GFAP: variants seen among roughly 807,000 people sequenced by gnomAD.
The protein encoded by GFAP is intermediate filament protein.
GFAP carries 38 observed loss-of-function variants against 49.3 expected under a neutral mutation model. The observed-to-expected ratio is 0.77, with a 90% CI of 0.60 to 1.01. The LOEUF is 1.01. Among genes scored for constraint, GFAP ranks in the 50% least tolerant of loss-of-function variants. The probability of loss-of-function intolerance (pLI) is 0.00; values close to 1 mark genes in which losing one functional copy is unlikely to be tolerated. For synonymous variants in GFAP, 222 were observed against 236.4 expected, an observed-to-expected ratio of 0.94 and a Z score of 0.56; for missense variants, 463 against 579.1, an observed-to-expected ratio of 0.80 and a Z score of 2.06.
chr17:44,903,823 T>G lies in GFAP; in HGVS notation c.*3524A>C. 3.9e-6 allele frequency: 6 copies of G among 1,547,684 alleles called. No homozygotes were observed. The highest frequency in any genetic ancestry group is 5.2e-6 in the Non-Finnish European group (6 of 1,145,066). On this transcript the variant is annotated 3_prime_UTR_variant, in exon 9 of 9. Transcript: ENST00000588735. ...CCCTGCCCCTCTGACCCCTGCCTCC[T>G]TCAGGTATGCACCTGGCCCTCACCA... is the stretch of plus-strand genomic sequence containing the variant.
At position 44,904,938 on chromosome 17, in the gene GFAP, C is replaced by T. The variant is rs1486830603; in HGVS notation, c.*2409G>A. The stretch of plus-strand genomic sequence containing the variant: ...CATGGGCACTACCCAGCCTCGTTCT[C>T]AGATCCTGAGACTCGCTCGGCTGTG... On this transcript the variant is annotated 3_prime_UTR_variant, in exon 9 of 9. Transcript: ENST00000588735. 1 of 1,550,688 alleles carries T rather than the reference C, an allele frequency of 6.4e-7. No individual in the cohort carries two copies. The highest frequency in any genetic ancestry group is 2.0e-5 in the Admixed American group (1 of 51,008).
chr17:44,913,370 C>A lies in GFAP; in HGVS notation c.679G>T (p.Ala227Ser), dbSNP rs2145637474. Reference protein sequence around the residue: ...RQQVHVELDVAKPDLTAALKE... With the variant: ...RQQVHVELDVSKPDLTAALKE... ...AGGGCTGCGGTGAGGTCTGGCTTGG[C>A]CACGTCAAGCTCCACATGGACCTGC... Residue 227 changes from alanine to serine, a missense_variant, in exon 4 of 9, where the codon GCC becomes TCC. Ala to Ser is a moderately conservative substitution (Grantham distance 99). This residue lies in a region of GFAP where 362 missense variants were observed against 445.5 expected (regional missense o/e 0.81). Coordinates refer to ENST00000588735, the MANE Select transcript of GFAP (RefSeq NM_002055.5). The A allele has an allele frequency of 1.2e-6, 2 of 1,614,142 alleles. No homozygotes were observed. The highest frequency in any genetic ancestry group is 1.7e-6 in the Non-Finnish European group (2 of 1,179,996).
At position 44,914,081 on chromosome 17, in the gene GFAP, C is replaced by T. The variant is rs59291670; in HGVS notation, c.469G>A (p.Asp157Asn). ...DLATVRQKLQ[D>N]ETNLRLEAEN... ...GCTTCCAGCCTCAGGTTGGTTTCAT[C>T]CTGGAGCCTGGAGTGGGGGGACACA... The change falls in exon 2 of 9, where the codon GAT becomes AAT. Residue 157 changes from aspartate (D) to asparagine (N), a missense_variant. Transcript: ENST00000588735. 25,495 of 1,549,378 alleles carry T rather than the reference C, an allele frequency of 0.016. 282 individuals carry two copies. Among genetic ancestry groups the T allele is most frequent in the Non-Finnish European group, 0.02 (22,865 of 1,145,076 alleles).
chr17:44,909,722 G>A (rs1463716775), intron 7 of GFAP: 15 of 994,192 alleles, frequency 1.5e-5, no homozygotes, highest in East Asian at 1.0e-4. Flanking sequence ...CAAGAGCTGC[G>A]GTCCTGAGGG....
Position 44,905,340 on chromosome 17 carries a change from G to A in GFAP, c.*2007C>T, listed in dbSNP as rs2051638831. The stretch of plus-strand genomic sequence containing the variant: ...TTCACATTTAGGTCAGAGAAGGAAA[G>A]TGTGAACTCAGATTTATCCAGTGGT... On this transcript the variant is annotated 3_prime_UTR_variant, in exon 9 of 9. Coordinates refer to ENST00000588735, the MANE Select transcript of GFAP (RefSeq NM_002055.5). 8.5e-6 allele frequency: 4 copies of A among 473,034 alleles called. No individual in the cohort carries two copies. In the Admixed American group the frequency reaches 1.2e-4, roughly 14 times the overall value. The allele number at this position is 473,034 out of a possible 1,614,324, so 29.3% of individuals were successfully genotyped here.
At chr17:44,908,287 C>T in intron 7 of GFAP, 138 bp from the exon 8 acceptor site, 1 of 640,874 alleles carries the variant, frequency 1.6e-6, no homozygotes, top group South Asian at 1.8e-5. Flanking sequence ...AGAGCCTAGG[C>T]TCTTCCAAAC....
At chr17:44,910,457 G>C (rs1002758328) in intron 7 of GFAP, 158 bp downstream of exon 7, 3 of 1,562,842 alleles carry the variant, frequency 1.9e-6, no homozygotes, top group Non-Finnish European at 2.6e-6. Context: ...ACCCTGGTAT[G>C]ATAGGCTCTG....
At chr17:44,907,987 C>T in intron 8 of GFAP, 77 bp downstream of exon 8, 1 of 1,011,054 alleles carries the variant, frequency 9.9e-7, no homozygotes, top group Non-Finnish European at 1.6e-6. Context: ...GTGCCAGCCC[C>T]AGGCTTTCCT....
rs929688194 is a variant in GFAP, at chr17:44,904,565, A to T, written c.*2782T>A. 6.4e-7 allele frequency: 1 copy of T among 1,550,480 alleles called. No individual in the cohort carries two copies. The highest frequency in any genetic ancestry group is 8.7e-7 in the Non-Finnish European group (1 of 1,146,996). ...GAGCTGCTTAGTACCCTGTGAGAAGACAAAGACCATCCGGGAGGGCGTGCT... is the reference window on the plus strand; with the variant it reads ...GAGCTGCTTAGTACCCTGTGAGAAGTCAAAGACCATCCGGGAGGGCGTGCT... On this transcript the variant is annotated 3_prime_UTR_variant, in exon 9 of 9. Coordinates refer to ENST00000588735, the MANE Select transcript of GFAP (RefSeq NM_002055.5).
In GFAP at chr17:44,910,643, C is replaced by T. The variant is rs1265113842; in HGVS notation, c.1143G>A (p.Val381=). The change falls in exon 7 of 9, where the codon GTG becomes GTA. Residue 381 remains valine (V), a synonymous_variant. Coordinates refer to ENST00000588735, the MANE Select transcript of GFAP (RefSeq NM_002055.5). ...GAATCTGCAGGTTGGAGAAGGTCTG[C>T]ACGGGAATGGTGATCCTGAAAGAAA... ...EGEENRITIP[V]QTFSNLQIRE... The T allele has an allele frequency of 6.3e-7, 1 of 1,585,980 alleles. No individual in the cohort carries two copies. Among genetic ancestry groups the T allele is most frequent in the Non-Finnish European group, 8.6e-7 (1 of 1,166,212 alleles).
rs371579424 is a variant in GFAP at position 44,904,450 on chromosome 17, C to T, written c.*2897G>A. 92 of 1,542,596 alleles carry T rather than the reference C, an allele frequency of 6.0e-5. No homozygotes were observed. Among genetic ancestry groups the T allele is most frequent in the East Asian group, 3.7e-4 (15 of 40,758 alleles). ...ACCTCTCCCCACGCTACCTCAAGGC[C>T]GTGCCCGATGTGGTGTCTTGTGGCT... On this transcript the variant is annotated 3_prime_UTR_variant, in exon 9 of 9. Coordinates refer to ENST00000588735, the MANE Select transcript of GFAP (RefSeq NM_002055.5).
intron 1 of GFAP, chr17:44,914,736 T>G: frequency 2.1e-6 from 1 of 487,528 alleles, no homozygotes; most frequent in Non-Finnish European, 3.7e-6. Context: ...AGCCCAGCCA[T>G]GAATGAAACA....
At chr17:44,914,148 C>T in intron 1 of GFAP, 60 bp from the exon 2 acceptor site, 4 of 1,224,778 alleles carry the variant, frequency 3.3e-6, no homozygotes, top group Non-Finnish European at 4.7e-6. Flanking sequence ...GAATACCTGC[C>T]TCAGTCTCCC....
chr17:44,914,185 C>T, intron 1 of GFAP, 97 bp from the exon 2 acceptor site: 1 of 826,124 alleles, frequency 1.2e-6, no homozygotes, highest in Admixed American at 2.0e-5. Context: ...AGAGACCACC[C>T]CCACCCAGGA....
Position 44,907,102 on chromosome 17 carries a change from T to G in GFAP, c.*245A>C. ...AGCTGCTGGCCATGCCCCTCCAGAC[T>G]GCCCCTTGGGGGTGAGTTTCTTGTT... On this transcript the variant is annotated 3_prime_UTR_variant, in exon 9 of 9. Transcript: ENST00000588735. 1 of 587,536 alleles carries G rather than the reference T, an allele frequency of 1.7e-6. No individual in the cohort carries two copies. The highest frequency in any genetic ancestry group is 3.1e-6 in the Non-Finnish European group (1 of 327,312). 36.4% of individuals were successfully genotyped at this position (587,536 alleles called of 1,614,324 possible).
At chr17:44,911,125 G>T in intron 6 of GFAP, 111 bp downstream of exon 6, 1 of 940,078 alleles carries the variant, frequency 1.1e-6, no homozygotes, top group East Asian at 2.4e-5. Context: ...CATTGAGGTG[G>T]GAAGGGATCT....
intron 7 of GFAP, 178 bp from the exon 8 acceptor site, chr17:44,908,327 G>C: frequency 2.6e-6 from 1 of 379,948 alleles, no homozygotes. Context: ...TCCCAATAGT[G>C]CTGCTGCCAG....
chr17:44,914,965 TC>T lies in GFAP; in HGVS notation c.461+60del. The T allele has an allele frequency of 2.0e-6, 3 of 1,470,956 alleles. No individual in the cohort carries two copies. The South Asian group carries it at 3.5e-5, about 17-fold the overall frequency. 91.1% of individuals were successfully genotyped at this position (1,470,956 alleles called of 1,614,324 possible). ...CCCCTCCCTGAGACTTCTCGGGCAC[TC>T]CTTCTTGGGGATTCAGCCCCTTCTG... On this transcript the variant is annotated intron_variant, in intron 1 of 8. Transcript: ENST00000588735.
intron 4 of GFAP, 124 bp from the exon 5 acceptor site, chr17:44,911,921 C>A: frequency 9.0e-7 from 1 of 1,108,576 alleles, no homozygotes; most frequent in Non-Finnish European, 1.3e-6. Flanking sequence ...GGACTTTTCC[C>A]AACAACTGTG....
Sources: allele counts gnomAD v4.1 joint callset, GRCh38; gene constraint gnomAD v4.1.1; regional missense constraint gnomAD v4.1.1; transcripts MANE v1.5; gene names NCBI Gene and HGNC (gene_info 2026-07-23, HGNC 2026-07-21).